The following NBDY variants were observed in gnomAD, a reference collection of about 807,000 sequenced individuals.
NBDY encodes the protein negative regulator of P-body association, also known as P-body dissociating protein.
At chrX:56,786,002 G>A (rs1435956860) in intron 2 of NBDY, among the ~76,000 whole-genome samples, 3 of 111,633 alleles carry the variant, frequency 2.7e-5, no homozygotes, top group African/African-American at 9.8e-5. Flanking sequence ...AAGGACTCTA[G>A]CTGACCCCGT....
intron 2 of NBDY, among the ~76,000 whole-genome samples, chrX:56,812,311 C>T (rs772306506): frequency 4.0e-4 from 44 of 110,571 alleles, no homozygotes; most frequent in Middle Eastern, 9.2e-3. Context: ...AACATGCTTA[C>T]TTTTCCTAAG....
intron 2 of NBDY, among the ~76,000 whole-genome samples, chrX:56,813,436 C>T (rs2069896655): frequency 9.0e-6 from 1 of 110,926 alleles, no homozygotes; most frequent in South Asian, 3.8e-4. Context: ...TGCCCATTTT[C>T]CCACTCTCAC....
At chrX:56,753,800 A>G (rs1180147757) in intron 2 of NBDY, among the ~76,000 whole-genome samples, 1 of 111,551 alleles carries the variant, frequency 9.0e-6, no homozygotes, top group Non-Finnish European at 1.9e-5. Flanking sequence ...GGGAAGGAAA[A>G]AAAAACATTG....
intron 2 of NBDY, among the ~76,000 whole-genome samples, chrX:56,796,902 A>G (rs749716648): frequency 9.0e-6 from 1 of 110,981 alleles, no homozygotes; most frequent in Admixed American, 9.5e-5. Context: ...GCTCCCTGCC[A>G]CTCGTTGTGT....
rs183765565 is a variant in NBDY at position 56,803,974 on chromosome X, T to A, written c.*167-13346T>A. ...CTCTGGATTCCTCTCTGGGCAGGGG[T>A]CCCAGTGAGCCAGAGGAGCCTATCC... On this transcript the variant is annotated intron_variant, in intron 2 of 2. Transcript: ENST00000374922. Among the ~76,000 whole-genome samples the A allele has an allele frequency of 5.5e-5, 6 of 110,050 alleles. No individual in the cohort carries two copies. In the East Asian group the frequency reaches 1.7e-3, roughly 32 times the overall value.
intron 2 of NBDY, among the ~76,000 whole-genome samples, chrX:56,740,269 T>A (rs1258238810): frequency 8.9e-6 from 1 of 112,079 alleles, no homozygotes; most frequent in African/African-American, 3.2e-5. Flanking sequence ...ATTTAGAAAC[T>A]AAGTCATTGT....
chrX:56,764,914 C>A (rs2069658126), intron 2 of NBDY, among the ~76,000 whole-genome samples: 1 of 111,656 alleles, frequency 9.0e-6, no homozygotes, highest in South Asian at 3.7e-4. Context: ...TTTCTCCTGG[C>A]TGGTGGCTCT....
chrX:56,741,949 A>T (rs939559613), intron 2 of NBDY, among the ~76,000 whole-genome samples: 2 of 111,169 alleles, frequency 1.8e-5, no homozygotes, highest in Non-Finnish European at 3.8e-5. Context: ...TTCTTGTTGT[A>T]GTTTCATAGT....
intron 2 of NBDY, among the ~76,000 whole-genome samples, chrX:56,789,697 C>T (rs982851374): frequency 9.0e-6 from 1 of 111,493 alleles, no homozygotes; most frequent in Non-Finnish European, 1.9e-5. Flanking sequence ...AGCCCAGGCA[C>T]TCATAGGGGT....
At chrX:56,809,342 A>G (rs1266852795) in intron 2 of NBDY, among the ~76,000 whole-genome samples, 2 of 111,528 alleles carry the variant, frequency 1.8e-5, no homozygotes, top group African/African-American at 6.5e-5. Flanking sequence ...TCTATCTAAT[A>G]TTGACAGTGG....
chrX:56,817,078 C>A (rs904540509), intron 2 of NBDY, among the ~76,000 whole-genome samples: 4 of 111,082 alleles, frequency 3.6e-5, no homozygotes, highest in Admixed American at 2.9e-4. Context: ...AACATCTGGT[C>A]CACCTAACAG....
chrX:56,792,774 C>T (rs1192826044), intron 2 of NBDY, among the ~76,000 whole-genome samples: 1 of 111,644 alleles, frequency 9.0e-6, no homozygotes, highest in Non-Finnish European at 1.9e-5. Flanking sequence ...TTCCTGGCTC[C>T]AGGCCTGGGT....
chrX:56,739,268 G>GTA (rs1187024719), intron 2 of NBDY, among the ~76,000 whole-genome samples: 3 of 40,313 alleles, frequency 7.4e-5, no homozygotes, highest in Non-Finnish European at 9.2e-5. Context: ...ATATATGTAT[G>GTA]TATATATATA....
intron 2 of NBDY, among the ~76,000 whole-genome samples, chrX:56,751,388 T>C (rs1391500568): frequency 8.9e-6 from 1 of 112,130 alleles, no homozygotes; most frequent in Non-Finnish European, 1.9e-5. Context: ...ATTGCACATG[T>C]CAAACAATAA....
At chrX:56,767,309 T>G (rs923933216) in intron 2 of NBDY, among the ~76,000 whole-genome samples, 2 of 113,372 alleles carry the variant, frequency 1.8e-5, no homozygotes, top group African/African-American at 6.4e-5. Flanking sequence ...TAGGGTCCCC[T>G]TAAGAGGTGA....
chrX:56,781,049 G>T (rs1039491513), intron 2 of NBDY, among the ~76,000 whole-genome samples: 20 of 111,280 alleles, frequency 1.8e-4, no homozygotes, highest in South Asian at 3.8e-4. Context: ...CTCCTTTTGT[G>T]CCTTGGGACA....
intron 2 of NBDY, among the ~76,000 whole-genome samples, chrX:56,738,344 T>C (rs772368908): frequency 4.2e-4 from 47 of 112,269 alleles, no homozygotes; most frequent in Admixed American, 5.7e-4. Flanking sequence ...TGAACAAATG[T>C]ATTGGGATTT....
At chrX:56,743,767 T>C (rs2069543411) in intron 2 of NBDY, among the ~76,000 whole-genome samples, 1 of 111,443 alleles carries the variant, frequency 9.0e-6, no homozygotes, top group African/African-American at 3.2e-5. Context: ...ATTGTTTTCT[T>C]CATTCCAATT....
intron 2 of NBDY, among the ~76,000 whole-genome samples, chrX:56,755,715 T>C (rs1447202910): frequency 1.8e-5 from 2 of 110,285 alleles, no homozygotes; most frequent in African/African-American, 6.6e-5. Flanking sequence ...AGTTGAACCA[T>C]TGTGGAAGTC....
Sources: allele counts gnomAD v4.1 joint callset (sites outside exome capture counted in the v4.1 genomes callset), GRCh38; gene constraint gnomAD v4.1.1; transcripts MANE v1.5; gene names NCBI Gene and HGNC (gene_info 2026-07-23, HGNC 2026-07-21).